DNAJC1: variants seen among roughly 807,000 people sequenced by gnomAD.
The protein encoded by DNAJC1 is DnaJ heat shock protein family (Hsp40) member C1.
Under a neutral mutation model 76.6 loss-of-function variants are expected in DNAJC1, and 58 were observed. The observed-to-expected ratio is 0.76, with a 90% CI of 0.61 to 0.94. DNAJC1 has a LOEUF of 0.94. Among genes scored for constraint, DNAJC1 ranks in the 40% least tolerant of loss-of-function variants. The probability of loss-of-function intolerance (pLI) is 0.00; values close to 1 mark genes in which losing one functional copy is unlikely to be tolerated. For missense variants in DNAJC1, 689 were observed against 677.3 expected (o/e 1.02, Z -0.19); for synonymous variants, 258 against 267.9 (o/e 0.96, Z 0.36).
intron 1 of DNAJC1, among the ~76,000 whole-genome samples, chr10:21,982,805 G>T (rs1285168576): frequency 2.0e-5 from 3 of 152,086 alleles, no homozygotes; most frequent in African/African-American, 7.2e-5. Flanking sequence ...ATGTAAAATG[G>T]CACAGCAGCT....
intron 1 of DNAJC1, among the ~76,000 whole-genome samples, chr10:21,969,291 A>C (rs1358180571): frequency 4.6e-5 from 7 of 152,098 alleles, no homozygotes; most frequent in Admixed American, 4.6e-4. Context: ...TTTAACTCCT[A>C]AAATCCAAAC....
intron 1 of DNAJC1, among the ~76,000 whole-genome samples, chr10:21,949,959 T>C (rs972238052): frequency 1.3e-5 from 2 of 152,094 alleles, no homozygotes; most frequent in Admixed American, 1.3e-4. Context: ...GTACTAAAAA[T>C]GTTCTTAGTC....
intron 8 of DNAJC1, among the ~76,000 whole-genome samples, chr10:21,839,795 C>T (rs965993094): frequency 3.9e-5 from 6 of 151,956 alleles, no homozygotes; most frequent in African/African-American, 1.5e-4. Context: ...AGAGACACAA[C>T]AAAAAAAGAG....
chr10:21,904,485 A>C (rs1383735599), intron 7 of DNAJC1, 37 bp downstream of exon 7: 3 of 1,232,566 alleles, frequency 2.4e-6, no homozygotes, highest in Non-Finnish European at 3.4e-6. Context: ...AATTAATTTT[A>C]TATGACATTG....
At chr10:21,939,568 T>C (rs1278788690) in intron 1 of DNAJC1, among the ~76,000 whole-genome samples, 1 of 152,164 alleles carries the variant, frequency 6.6e-6, no homozygotes, top group African/African-American at 2.4e-5. Flanking sequence ...ATAAATACCA[T>C]TGTGTTACAA....
chr10:21,782,198 A>T (rs1298836452), intron 9 of DNAJC1, among the ~76,000 whole-genome samples: 1 of 152,232 alleles, frequency 6.6e-6, no homozygotes, highest in Non-Finnish European at 1.5e-5. Flanking sequence ...ATAAAAAATG[A>T]TAAAGGGGAT....
intron 8 of DNAJC1, among the ~76,000 whole-genome samples, chr10:21,833,414 T>C (rs1188344751): frequency 1.3e-5 from 2 of 152,178 alleles, no homozygotes; most frequent in African/African-American, 4.8e-5. Flanking sequence ...GAGGTTGCAG[T>C]GAGCCGAGAT....
intron 7 of DNAJC1, among the ~76,000 whole-genome samples, chr10:21,898,944 C>T (rs976912996): frequency 2.0e-5 from 3 of 152,064 alleles, no homozygotes; most frequent in Non-Finnish European, 2.9e-5. Flanking sequence ...TGAAATATCC[C>T]GGTTCTCACA....
At chr10:21,948,905 T>C (rs1221765550) in intron 1 of DNAJC1, among the ~76,000 whole-genome samples, 4 of 152,178 alleles carry the variant, frequency 2.6e-5, no homozygotes, top group Non-Finnish European at 4.4e-5. Flanking sequence ...AATTGGAGAA[T>C]TTCTAGGATA....
At chr10:21,890,655 C>T (rs1836447380) in intron 7 of DNAJC1, among the ~76,000 whole-genome samples, 1 of 152,118 alleles carries the variant, frequency 6.6e-6, no homozygotes, top group Admixed American at 6.5e-5. Context: ...ATCTGTTAAA[C>T]AGACCACATA....
At chr10:21,885,409 T>C (rs1284381157) in intron 7 of DNAJC1, among the ~76,000 whole-genome samples, 2 of 152,080 alleles carry the variant, frequency 1.3e-5, no homozygotes, top group African/African-American at 2.4e-5. Context: ...CAACACTCCA[T>C]TGACAGTATT....
At chr10:21,906,522 G>C (rs1215303197) in intron 6 of DNAJC1, among the ~76,000 whole-genome samples, 1 of 152,138 alleles carries the variant, frequency 6.6e-6, no homozygotes, top group Non-Finnish European at 1.5e-5. Flanking sequence ...GGCTCCTTGA[G>C]GGGAGTAGGA....
At chr10:21,820,204 T>C (rs1835136096) in intron 8 of DNAJC1, among the ~76,000 whole-genome samples, 1 of 152,234 alleles carries the variant, frequency 6.6e-6, no homozygotes, top group African/African-American at 2.4e-5. Flanking sequence ...TGTAGTCTTT[T>C]ACTTAGCATA....
chr10:21,943,090 G>C (rs1382949363), intron 1 of DNAJC1, among the ~76,000 whole-genome samples: 1 of 151,750 alleles, frequency 6.6e-6, no homozygotes, highest in African/African-American at 2.4e-5. Context: ...AGAAATTAAT[G>C]AAAGGGAAAA....
chr10:21,770,679 G>A (rs142705016), intron 9 of DNAJC1, among the ~76,000 whole-genome samples: 8 of 152,294 alleles, frequency 5.3e-5, no homozygotes, highest in African/African-American at 7.2e-5. Context: ...GAGTACAGGC[G>A]TAAGCCACCA....
intron 9 of DNAJC1, among the ~76,000 whole-genome samples, chr10:21,781,964 C>T (rs1490197322): frequency 6.6e-6 from 1 of 151,874 alleles, no homozygotes; most frequent in Non-Finnish European, 1.5e-5. Context: ...CTAAAATTGA[C>T]ACCCTACCAC....
intron 1 of DNAJC1, among the ~76,000 whole-genome samples, chr10:21,958,745 C>A (rs1376001815): frequency 6.6e-6 from 1 of 151,848 alleles, no homozygotes; most frequent in Non-Finnish European, 1.5e-5. Flanking sequence ...CTTTTCTAGG[C>A]ATTTCATATA....
chr10:21,997,435 T>A (rs1838435088), intron 1 of DNAJC1, among the ~76,000 whole-genome samples: 2 of 152,218 alleles, frequency 1.3e-5, no homozygotes, highest in East Asian at 3.9e-4. Flanking sequence ...CTGGTTAGGA[T>A]AATTGCCTTA....
intron 1 of DNAJC1, among the ~76,000 whole-genome samples, chr10:21,983,897 T>C (rs1248198672): frequency 6.6e-6 from 1 of 152,182 alleles, no homozygotes; most frequent in Non-Finnish European, 1.5e-5. Flanking sequence ...TCACTGGTTT[T>C]TATACTTTAA....
Sources: gnomAD v4.1 joint callset for allele counts (sites outside exome capture counted in the v4.1 genomes callset) on GRCh38, gnomAD v4.1.1 for gene constraint, MANE v1.5 for transcripts, NCBI Gene and HGNC (gene_info 2026-07-23, HGNC 2026-07-21) for gene names.